CNTNAP2: variants seen among roughly 807,000 people sequenced by gnomAD.
CNTNAP2 encodes contactin-associated protein-like 2.
Under a neutral mutation model 155.2 loss-of-function variants are expected in CNTNAP2, and 98 were observed. That is an observed-to-expected ratio of 0.63 (90% CI 0.54 to 0.75). CNTNAP2 has a LOEUF of 0.75. CNTNAP2 is among the 30% of genes least tolerant of loss of function. The pLI is 0.00. For synonymous variants in CNTNAP2, 651 were observed against 631.2 expected (o/e 1.03, Z -0.47); for missense variants, 1,727 against 1,688.1 (o/e 1.02, Z -0.40).
intron 2 of CNTNAP2, among the ~76,000 whole-genome samples, chr7:146,801,390 A>G (rs1481803421): frequency 3.9e-5 from 6 of 152,154 alleles, no homozygotes; most frequent in African/African-American, 1.4e-4. Context: ...CACACATCCA[A>G]ACCATATCAT....
chr7:146,799,887 T>C (rs1261305921), intron 2 of CNTNAP2, among the ~76,000 whole-genome samples: 1 of 152,158 alleles, frequency 6.6e-6, no homozygotes, highest in East Asian at 1.9e-4. Flanking sequence ...TTTAATAGTG[T>C]ATAAAATTTA....
chr7:146,975,893 A>G (rs1321402147), intron 3 of CNTNAP2, among the ~76,000 whole-genome samples: 1 of 152,172 alleles, frequency 6.6e-6, no homozygotes, highest in Non-Finnish European at 1.5e-5. Context: ...TTATCAGCAA[A>G]TCCCAGGGAA....
chr7:147,751,202 TATAAA>T (rs1008371465), intron 13 of CNTNAP2, among the ~76,000 whole-genome samples: 5 of 151,804 alleles, frequency 3.3e-5, no homozygotes, highest in African/African-American at 9.7e-5. Context: ...TATTTCCAAT[TATAAA>T]ATAATTATCT....
intron 3 of CNTNAP2, among the ~76,000 whole-genome samples, chr7:146,879,881 G>A (rs774181035): frequency 3.2e-4 from 48 of 152,196 alleles, no homozygotes; most frequent in Non-Finnish European, 3.2e-4. Flanking sequence ...ACAGTTCCAC[G>A]TGGCTGGGGA....
At chr7:147,008,467 T>A (rs1178530215) in intron 3 of CNTNAP2, among the ~76,000 whole-genome samples, 1 of 152,048 alleles carries the variant, frequency 6.6e-6, no homozygotes, top group African/African-American at 2.4e-5. Context: ...ATGGAAAAAA[T>A]ATTTTTCCTC....
intron 10 of CNTNAP2, among the ~76,000 whole-genome samples, chr7:147,419,378 C>T (rs779275348): frequency 2.2e-4 from 33 of 152,170 alleles, no homozygotes; most frequent in Admixed American, 1.2e-3. Context: ...TTATATTCAA[C>T]AACAAAGATG....
intron 15 of CNTNAP2, among the ~76,000 whole-genome samples, chr7:148,091,440 C>G (rs1263875747): frequency 6.6e-6 from 1 of 152,084 alleles, no homozygotes; most frequent in South Asian, 2.1e-4. Flanking sequence ...TATCCCAGCT[C>G]TCAAAGCTGA....
chr7:146,721,479 T>C (rs188327762), intron 1 of CNTNAP2, among the ~76,000 whole-genome samples: 133 of 128,376 alleles, frequency 1.0e-3, no homozygotes, highest in African/African-American at 2.6e-3. Context: ...ATTCTATATA[T>C]ATTCTATATA....
intron 3 of CNTNAP2, among the ~76,000 whole-genome samples, chr7:146,960,682 A>C (rs1432802461): frequency 3.3e-5 from 5 of 152,264 alleles, no homozygotes; most frequent in Admixed American, 3.3e-4. Context: ...ACTGCAAACA[A>C]TAGACAAATC....
intron 1 of CNTNAP2, among the ~76,000 whole-genome samples, chr7:146,340,038 G>T (rs1164528332): frequency 6.6e-6 from 1 of 151,784 alleles, no homozygotes; most frequent in Non-Finnish European, 1.5e-5. Flanking sequence ...GCATGGTGGT[G>T]GGTGCCTGTA....
At chr7:147,482,949 G>A (rs919174884) in intron 10 of CNTNAP2, among the ~76,000 whole-genome samples, 13 of 151,052 alleles carry the variant, frequency 8.6e-5, no homozygotes, top group Admixed American at 8.6e-4. Flanking sequence ...GGGTGGCTGA[G>A]GCAGGGGAAT....
intron 1 of CNTNAP2, among the ~76,000 whole-genome samples, chr7:146,717,332 G>A (rs977521107): frequency 2.8e-5 from 4 of 143,702 alleles, no homozygotes; most frequent in African/African-American, 1.1e-4. Context: ...GCAAAACTCT[G>A]TCTCTACTAA....
At chr7:147,725,897 T>C (rs187576731) in intron 13 of CNTNAP2, among the ~76,000 whole-genome samples, 1 of 152,176 alleles carries the variant, frequency 6.6e-6, no homozygotes, top group East Asian at 1.9e-4. Flanking sequence ...TTTTAGTCTT[T>C]TTCAGTTTCT....
chr7:147,794,756 T>A (rs956622159), intron 13 of CNTNAP2, among the ~76,000 whole-genome samples: 2 of 150,840 alleles, frequency 1.3e-5, no homozygotes, highest in African/African-American at 2.4e-5. Context: ...TTAAAAACAA[T>A]TAATTCAATC....
intron 18 of CNTNAP2, among the ~76,000 whole-genome samples, chr7:148,210,905 A>G (rs960774644): frequency 1.1e-4 from 16 of 152,252 alleles, no homozygotes; most frequent in African/African-American, 2.9e-4. Flanking sequence ...GATTTTGCCA[A>G]TGTAAGACCA....
At chr7:147,070,484 T>C (rs740810) in intron 4 of CNTNAP2, among the ~76,000 whole-genome samples, 108,719 of 152,074 alleles carry the variant, frequency 0.71, 38,873 homozygotes, top group East Asian at 0.74. Flanking sequence ...TCTGAGATCC[T>C]AACTGACAGT....
At chr7:147,874,913 A>G (rs563708886) in intron 13 of CNTNAP2, among the ~76,000 whole-genome samples, 1 of 152,292 alleles carries the variant, frequency 6.6e-6, no homozygotes, top group African/African-American at 2.4e-5. Flanking sequence ...GTCTCTTTGC[A>G]TATCAAGAGT....
At chr7:148,325,272 G>C (rs1023089817) in intron 21 of CNTNAP2, among the ~76,000 whole-genome samples, 1 of 152,176 alleles carries the variant, frequency 6.6e-6, no homozygotes, top group African/African-American at 2.4e-5. Context: ...AAGTAGTTTT[G>C]TAAGAAAAAC....
At chr7:147,908,667 G>A (rs1251887595) in intron 14 of CNTNAP2, among the ~76,000 whole-genome samples, 4 of 152,092 alleles carry the variant, frequency 2.6e-5, no homozygotes, top group African/African-American at 9.7e-5. Context: ...GGAGATTATG[G>A]GAAATAAAAA....
Sources: allele counts gnomAD v4.1 joint callset (sites outside exome capture counted in the v4.1 genomes callset), GRCh38; gene constraint gnomAD v4.1.1; transcripts MANE v1.5; gene names NCBI Gene and HGNC (gene_info 2026-07-23, HGNC 2026-07-21).